The following CTBP2 variants were observed in gnomAD, a reference collection of about 807,000 sequenced individuals.
CTBP2 encodes the protein C-terminal-binding protein 2.
Under a neutral mutation model 80.3 loss-of-function variants are expected in CTBP2, and 30 were observed. The observed-to-expected ratio is 0.37, with a 90% CI of 0.28 to 0.51. CTBP2 has a LOEUF of 0.51. Among genes scored for constraint, CTBP2 ranks in the 20% least tolerant of loss-of-function variants. The pLI is 0.93. For synonymous variants in CTBP2, 594 were observed against 587.4 expected (o/e 1.01, Z -0.16); for missense variants, 1,212 against 1,375.3 (o/e 0.88, Z 1.88).
At chr10:125,090,541 T>G (rs907013431) in intron 2 of CTBP2, among the ~76,000 whole-genome samples, 1 of 149,768 alleles carries the variant, frequency 6.7e-6, no homozygotes, top group South Asian at 2.1e-4. Context: ...GGTGGAAGGA[T>G]CACTTGAGGC....
chr10:125,030,142 AACACCACACACACACACACAC>A (rs1958027371), upstream of CTBP2, among the ~76,000 whole-genome samples: 3 of 41,308 alleles, frequency 7.3e-5, no homozygotes, highest in African/African-American at 1.8e-4. Flanking sequence ...TGGTTACACA[AACACCACACACACACACACAC>A]ACACACCACA....
At chr10:125,044,329 T>TGCTGGTGTGGTGCCG (rs60049061) in intron 2 of CTBP2, among the ~76,000 whole-genome samples, 55,016 of 151,852 alleles carry the variant, frequency 0.36, 10,268 homozygotes, top group Admixed American at 0.45. Flanking sequence ...CCGAGGATCC[T>TGCTGGTGTGGTGCCG]GCTGGTGTGG....
intron 1 of CTBP2, among the ~76,000 whole-genome samples, chr10:125,131,359 C>G (rs927991710): frequency 1.1e-4 from 16 of 152,146 alleles, no homozygotes; most frequent in African/African-American, 3.6e-4. Context: ...TTTAAGGGCA[C>G]CTAGCCGAAC....
intron 2 of CTBP2, among the ~76,000 whole-genome samples, chr10:125,098,690 G>GAC (rs1564913897): frequency 2.6e-4 from 34 of 131,084 alleles, no homozygotes; most frequent in African/African-American, 4.6e-4. Flanking sequence ...GAGAGAGAGA[G>GAC]AGAGAGAGAG....
intron 1 of CTBP2, among the ~76,000 whole-genome samples, chr10:125,010,429 C>CCCCAGAAT (rs1353644526): frequency 6.6e-6 from 1 of 152,114 alleles, no homozygotes; most frequent in Non-Finnish European, 1.5e-5. Flanking sequence ...GTATGTGCTC[C>CCCCAGAAT]CCCAGAATGG....
intron 1 of CTBP2, among the ~76,000 whole-genome samples, chr10:125,152,314 A>G (rs2133428315): frequency 6.6e-6 from 1 of 152,262 alleles, no homozygotes; most frequent in East Asian, 1.9e-4. Context: ...CGGGAAATGC[A>G]GGAGACCCCG....
At chr10:125,117,069 T>C (rs1335694890) in intron 1 of CTBP2, among the ~76,000 whole-genome samples, 8 of 152,202 alleles carry the variant, frequency 5.3e-5, no homozygotes, top group Middle Eastern at 3.2e-3. Flanking sequence ...CCACCCTCAG[T>C]GCAGTCTCTG....
intron 2 of CTBP2, among the ~76,000 whole-genome samples, chr10:125,073,615 T>C (rs76204228): frequency 0.022 from 3,422 of 152,320 alleles, 124 homozygotes; most frequent in African/African-American, 0.076. Flanking sequence ...GGAAACCGAT[T>C]TGTACGTGGC....
intron 1 of CTBP2, among the ~76,000 whole-genome samples, chr10:125,005,297 T>G (rs1185491522): frequency 6.6e-6 from 1 of 152,180 alleles, no homozygotes; most frequent in East Asian, 1.9e-4. Context: ...CCAAGCTAAG[T>G]GCAGTTCTCC....
intron 2 of CTBP2, among the ~76,000 whole-genome samples, chr10:125,054,629 T>G (rs1326761563): frequency 6.6e-6 from 1 of 152,188 alleles, no homozygotes; most frequent in African/African-American, 2.4e-5. Flanking sequence ...TTGAGGTAAT[T>G]TGTCACACAG....
At chr10:125,037,940 G>A (rs1959053928) in intron 3 of CTBP2, among the ~76,000 whole-genome samples, 1 of 152,090 alleles carries the variant, frequency 6.6e-6, no homozygotes, top group African/African-American at 2.4e-5. Context: ...ATGGAATATT[G>A]GTGTTCACTG....
rs530635022 is a variant in CTBP2 at position 125,130,107 on chromosome 10, G to C, written c.-205-19014C>G. 4.7e-5 allele frequency among the ~76,000 whole-genome samples: 7 copies of C among 150,458 alleles called. No homozygotes were observed. In the South Asian group the frequency reaches 1.5e-3, roughly 32 times the overall value. On this transcript the variant is annotated intron_variant, in intron 1 of 10. Transcript: ENST00000337195. ...TTGTTGCCCAGGCTGGAGTGTAATA[G>C]CATGATCTCGGCTCACTGCAACCTC...
intron 2 of CTBP2, among the ~76,000 whole-genome samples, chr10:125,093,975 G>A (rs1373308542): frequency 6.6e-6 from 1 of 152,122 alleles, no homozygotes; most frequent in African/African-American, 2.4e-5. Flanking sequence ...GAGGCGAGAC[G>A]GCAAGGCAAA....
chr10:125,127,890 C>T (rs948757530), intron 1 of CTBP2, among the ~76,000 whole-genome samples: 2 of 152,178 alleles, frequency 1.3e-5, no homozygotes, highest in Admixed American at 6.5e-5. Flanking sequence ...TGGCCCTCCC[C>T]CAATCTCAAC....
chr10:125,036,153 C>G (rs1395406649), intron 3 of CTBP2, among the ~76,000 whole-genome samples: 1 of 152,158 alleles, frequency 6.6e-6, no homozygotes, highest in Non-Finnish European at 1.5e-5. Context: ...TCTGGGCACA[C>G]AGAAGGATCA....
intron 1 of CTBP2, among the ~76,000 whole-genome samples, chr10:125,125,746 GT>G (rs1207351507): frequency 1.3e-5 from 2 of 152,210 alleles, no homozygotes; most frequent in East Asian, 3.8e-4. Flanking sequence ...CTGTACCTCG[GT>G]AGCAGAGACG....
At chr10:125,047,106 T>C (rs1444001514) in intron 2 of CTBP2, among the ~76,000 whole-genome samples, 1 of 152,112 alleles carries the variant, frequency 6.6e-6, no homozygotes, top group African/African-American at 2.4e-5. Context: ...CTTCCAAATA[T>C]GCCTTAAAAA....
intron 1 of CTBP2, among the ~76,000 whole-genome samples, chr10:125,007,860 G>T (rs1005718703): frequency 4.6e-5 from 7 of 152,132 alleles, no homozygotes; most frequent in African/African-American, 1.7e-4. Flanking sequence ...CTGCCCCAGG[G>T]TAAAGGGTTT....
intron 2 of CTBP2, among the ~76,000 whole-genome samples, chr10:125,046,821 C>T (rs1051496778): frequency 1.3e-5 from 2 of 152,178 alleles, no homozygotes; most frequent in Non-Finnish European, 2.9e-5. Flanking sequence ...TTTCCCTTGG[C>T]CAACAAAGCT....
Sources: allele counts gnomAD v4.1 joint callset (sites outside exome capture counted in the v4.1 genomes callset), GRCh38; gene constraint gnomAD v4.1.1; transcripts MANE v1.5; gene names NCBI Gene and HGNC (gene_info 2026-07-23, HGNC 2026-07-21).